BRD4: variants seen among roughly 807,000 people sequenced by gnomAD.
BRD4 encodes the protein bromodomain containing 4, also known as bromodomain-containing protein 4.
Under a neutral mutation model 142.1 loss-of-function variants are expected in BRD4, and 16 were observed. The observed-to-expected ratio is 0.11, with a 90% CI of 0.08 to 0.17. BRD4 has a LOEUF of 0.17. Ranked by LOEUF, BRD4 falls within the 10% of genes least tolerant of loss-of-function variation. BRD4 has a pLI of 1.00. For missense variants in BRD4, 1,424 were observed against 1,810.9 expected, an observed-to-expected ratio of 0.79 and a Z score of 3.88; for synonymous variants, 833 against 707.5, an observed-to-expected ratio of 1.18 and a Z score of -2.82.
At chr19:15,310,858 G>A (rs768069122) in intron 1 of BRD4, among the ~76,000 whole-genome samples, 5 of 152,026 alleles carry the variant, frequency 3.3e-5, no homozygotes, top group Non-Finnish European at 7.4e-5. Context: ...ACCATCTCCC[G>A]TACCTTTGTG....
chr19:15,315,705 A>C (rs568208055), intron 1 of BRD4, among the ~76,000 whole-genome samples: 2 of 152,040 alleles, frequency 1.3e-5, no homozygotes, highest in Non-Finnish European at 2.9e-5. Flanking sequence ...AATACAAAAA[A>C]ACCAGCCGGG....
chr19:15,332,082 C>T (rs1166018131), intron 1 of BRD4, among the ~76,000 whole-genome samples: 1 of 145,062 alleles, frequency 6.9e-6, no homozygotes, highest in Non-Finnish European at 1.5e-5. Context: ...ACACCAACGG[C>T]GCAGGCCGCC....
intron 1 of BRD4, among the ~76,000 whole-genome samples, chr19:15,278,616 T>TTC (rs145941706): frequency 3.3e-5 from 5 of 151,440 alleles, no homozygotes; most frequent in Non-Finnish European, 7.4e-5. Flanking sequence ...TTTTTTTTTT[T>TTC]CAGACAGCTA....
At chr19:15,310,061 A>C (rs1179325416) in intron 1 of BRD4, among the ~76,000 whole-genome samples, 1 of 152,026 alleles carries the variant, frequency 6.6e-6, no homozygotes, top group Admixed American at 6.6e-5. Flanking sequence ...GAGAAATGTT[A>C]ATTCTGTGAG....
In BRD4 at chr19:15,236,040, C is replaced by CT; in HGVS notation, c.*2336dup. 1 of 152,342 alleles carries CT rather than the reference C, an allele frequency of 6.6e-6. No individual in the cohort carries two copies. The highest frequency in any genetic ancestry group is 2.1e-4 in the South Asian group (1 of 4,820). 9.4% of individuals were successfully genotyped at this position (152,342 alleles called of 1,614,324 possible). On this transcript the variant is annotated 3_prime_UTR_variant, in exon 20 of 20. Coordinates refer to ENST00000679869, the MANE Select transcript of BRD4 (RefSeq NM_001379291.1). ...GGCACAGTGGTATATGAGAAAGTGCCTGAGTGGGCATGGACATCGAAGAAG... is the reference window on the plus strand; with the variant it reads ...GGCACAGTGGTATATGAGAAAGTGCCTTGAGTGGGCATGGACATCGAAGAAG...
rs186279177 is a variant in BRD4, at chr19:15,249,554, G to T, written c.2158+4598C>A. 4.3e-3 allele frequency among the ~76,000 whole-genome samples: 649 copies of T among 152,326 alleles called. 3 individuals are homozygous for T. The highest frequency in any genetic ancestry group is 0.02 in the South Asian group (96 of 4,828). The stretch of plus-strand genomic sequence containing the variant: ...GCCCCCAGCCTGCTCAGCTTCTAGA[G>T]AGTGGCCCTGGTTCCCACTAGCAAG... On this transcript the variant is annotated intron_variant, in intron 11 of 19. Coordinates refer to ENST00000679869, the MANE Select transcript of BRD4 (RefSeq NM_001379291.1).
At chr19:15,305,094 C>T (rs537120383) in intron 1 of BRD4, among the ~76,000 whole-genome samples, 10 of 150,206 alleles carry the variant, frequency 6.7e-5, no homozygotes, top group African/African-American at 2.0e-4. Context: ...TCTCAGCACA[C>T]CACAACCTCC....
chr19:15,295,120 G>C (rs1467476712), intron 1 of BRD4, among the ~76,000 whole-genome samples: 1 of 152,204 alleles, frequency 6.6e-6, no homozygotes, highest in East Asian at 1.9e-4. Flanking sequence ...GCCCATCCCA[G>C]AAAACCAGCT....
intron 11 of BRD4, chr19:15,253,218 G>C (rs1236260443): frequency 2.5e-6 from 1 of 392,170 alleles, no homozygotes; most frequent in East Asian, 4.3e-5. Context: ...GTAAACACAG[G>C]ATGTTAGCTC....
At chr19:15,252,024 G>A (rs1278446536) in intron 11 of BRD4, among the ~76,000 whole-genome samples, 1 of 152,230 alleles carries the variant, frequency 6.6e-6, no homozygotes, top group East Asian at 1.9e-4. Context: ...CTGTTCCCAG[G>A]ACTCTCAGAT....
At chr19:15,246,885 G>A (rs1462800602) in intron 11 of BRD4, among the ~76,000 whole-genome samples, 4 of 152,168 alleles carry the variant, frequency 2.6e-5, no homozygotes, top group African/African-American at 9.7e-5. Context: ...AGGACCAGAT[G>A]CCTAAAGGGG....
In BRD4 at chr19:15,265,439, G is replaced by C; in HGVS notation, c.764C>G (p.Pro255Arg). 2 of 1,575,072 alleles carry C rather than the reference G, an allele frequency of 1.3e-6. No individual in the cohort carries two copies. The highest frequency in any genetic ancestry group is 1.2e-5 in the South Asian group (1 of 85,312). ...QPLQTPPPVP[P>R]QPQPPPAPAP... ...TGGAGCGGGTGGGGGTTGTGGCTGG[G>C]GGGGCACTGGCGGGGGCGTCTGCAG... The change falls in exon 5 of 20, where the codon CCC (proline) becomes CGC (arginine). Residue 255 changes from proline (P) to arginine (R), a missense_variant. This residue lies in a region of BRD4 where 140 missense variants were observed against 131.7 expected (regional missense o/e 1.06). Coordinates refer to ENST00000679869, the MANE Select transcript of BRD4 (RefSeq NM_001379291.1).
At position 15,243,396 on chromosome 19, in the gene BRD4, T is replaced by C. The variant is rs769255855; in HGVS notation, c.2673A>G (p.Ser891=). 2.6e-6 allele frequency: 4 copies of C among 1,523,404 alleles called. No homozygotes were observed. Among genetic ancestry groups the C allele is most frequent in the Middle Eastern group, 2.1e-4 (1 of 4,772 alleles). The allele number at this position is 1,523,404 out of a possible 1,614,324, so 94.4% of individuals were successfully genotyped here. ...GCAGGGGTGTTTGGGTCAAGGCTGGTGACACGGCTGGGGGCCGGGCGGGCT... is the reference window on the plus strand; with the variant it reads ...GCAGGGGTGTTTGGGTCAAGGCTGGCGACACGGCTGGGGGCCGGGCGGGCT... ...PPKPARPPAV[S]PALTQTPLLP... is the part of the protein sequence containing the mutation. Residue 891 remains serine, a synonymous_variant, in exon 14 of 20, where the codon TCA becomes TCG. Transcript: ENST00000679869.
At chr19:15,287,383 ACTAT>A (rs1371722845) in intron 1 of BRD4, among the ~76,000 whole-genome samples, 1 of 152,126 alleles carries the variant, frequency 6.6e-6, no homozygotes, top group Non-Finnish European at 1.5e-5. Context: ...CTATGCAATC[ACTAT>A]CTAGCTCCAG....
chr19:15,243,615 C>G, intron 13 of BRD4, 128 bp from the exon 14 acceptor site: 1 of 1,386,610 alleles, frequency 7.2e-7, no homozygotes, highest in Non-Finnish European at 9.4e-7. Flanking sequence ...CTGGCACTCC[C>G]TCCCCACCTA....
intron 1 of BRD4, among the ~76,000 whole-genome samples, chr19:15,303,726 G>A (rs1051331090): frequency 1.3e-5 from 2 of 152,152 alleles, no homozygotes; most frequent in African/African-American, 4.8e-5. Context: ...TTTTGATGGG[G>A]CACTGAATAC....
intron 14 of BRD4, 74 bp downstream of exon 14, chr19:15,242,826 C>G: frequency 6.5e-7 from 1 of 1,547,244 alleles, no homozygotes; most frequent in Non-Finnish European, 8.7e-7. Flanking sequence ...TGAGTTAACC[C>G]TTCTGGCTTC....
chr19:15,252,893 C>T (rs1229022611), intron 11 of BRD4: 1 of 179,134 alleles, frequency 5.6e-6, no homozygotes, highest in Non-Finnish European at 1.2e-5. Flanking sequence ...ACCCCCACCC[C>T]ATCTGTGCAC....
At chr19:15,293,545 C>T (rs946977726) in intron 1 of BRD4, among the ~76,000 whole-genome samples, 5 of 152,194 alleles carry the variant, frequency 3.3e-5, no homozygotes, top group East Asian at 3.8e-4. Flanking sequence ...TTAGCCGACT[C>T]GTGCAGGCAC....
Sources: gnomAD v4.1 joint callset for allele counts (sites outside exome capture counted in the v4.1 genomes callset) on GRCh38, gnomAD v4.1.1 for gene constraint, gnomAD v4.1.1 regional missense constraint, MANE v1.5 for transcripts, NCBI Gene and HGNC (gene_info 2026-07-23, HGNC 2026-07-21) for gene names.